The following CADM2 variants were observed in gnomAD, a reference collection of about 807,000 sequenced individuals.
CADM2 encodes cell adhesion molecule 2.
In CADM2, 12 loss-of-function variants were observed where a neutral mutation model predicts 49.8. The ratio of observed to expected loss-of-function variants is 0.24; its 90% CI spans 0.15 to 0.39. The LOEUF is 0.39. CADM2 is among the 10% of genes least tolerant of loss of function. The pLI, the probability that CADM2 is intolerant of heterozygous loss-of-function variation, is 1.00. For missense variants in CADM2, 378 were observed against 492.3 expected, an observed-to-expected ratio of 0.77 and a Z score of 2.20; for synonymous variants, 214 against 175.4, an observed-to-expected ratio of 1.22 and a Z score of -1.74.
At chr3:85,846,558 AAAAATT>A (rs2074889289) in intron 3 of CADM2, among the ~76,000 whole-genome samples, 1 of 152,212 alleles carries the variant, frequency 6.6e-6, no homozygotes, top group Admixed American at 6.5e-5. Flanking sequence ...GCAGTTAAGC[AAAAATT>A]AAAATATATT....
chr3:85,355,647 A>G (rs2031793878), intron 1 of CADM2, among the ~76,000 whole-genome samples: 1 of 152,128 alleles, frequency 6.6e-6, no homozygotes, highest in South Asian at 2.1e-4. Flanking sequence ...AGTGCAAAGG[A>G]AAAAATAAAA....
intron 1 of CADM2, among the ~76,000 whole-genome samples, chr3:85,707,802 A>G (rs2066997616): frequency 6.6e-6 from 1 of 152,154 alleles, no homozygotes; most frequent in Non-Finnish European, 1.5e-5. Flanking sequence ...AATCTTTCTA[A>G]CAGCATGTAC....
chr3:85,653,434 G>A (rs1368897182), intron 1 of CADM2, among the ~76,000 whole-genome samples: 1 of 150,850 alleles, frequency 6.6e-6, no homozygotes, highest in South Asian at 2.1e-4. Flanking sequence ...TTAATAGCTT[G>A]GTTGTTGTAT....
At chr3:85,071,023 C>CAAATAAAT (rs1412399846) in intron 1 of CADM2, among the ~76,000 whole-genome samples, 1 of 84,242 alleles carries the variant, frequency 1.2e-5, no homozygotes, top group Admixed American at 1.4e-4. Context: ...AATAAATAAA[C>CAAATAAAT]AAATAAATAA....
At chr3:85,747,223 A>G (rs1464977467) in intron 2 of CADM2, among the ~76,000 whole-genome samples, 1 of 152,108 alleles carries the variant, frequency 6.6e-6, no homozygotes, top group Non-Finnish European at 1.5e-5. Flanking sequence ...CCTGTTTTCA[A>G]TATTTTCTTT....
At chr3:85,898,420 A>C (rs957730900) in intron 5 of CADM2, among the ~76,000 whole-genome samples, 8 of 152,080 alleles carry the variant, frequency 5.3e-5, no homozygotes, top group Non-Finnish European at 1.2e-4. Context: ...CCAAAAGTTT[A>C]TTTATATCCT....
At chr3:85,729,339 T>C (rs2067838576) in intron 2 of CADM2, among the ~76,000 whole-genome samples, 1 of 152,138 alleles carries the variant, frequency 6.6e-6, no homozygotes, top group Non-Finnish European at 1.5e-5. Context: ...CTTTGAGAGA[T>C]AAACTTCACT....
At chr3:85,652,742 A>C (rs1343767793) in intron 1 of CADM2, among the ~76,000 whole-genome samples, 1 of 149,618 alleles carries the variant, frequency 6.7e-6, no homozygotes, top group African/African-American at 2.5e-5. Context: ...CAATGTGCAT[A>C]CAAATAACCT....
intron 1 of CADM2, among the ~76,000 whole-genome samples, chr3:85,583,594 A>G (rs1206675740): frequency 6.6e-6 from 1 of 152,140 alleles, no homozygotes; most frequent in Non-Finnish European, 1.5e-5. Flanking sequence ...TAAAAGTTCA[A>G]TAGGATTATA....
At chr3:86,025,082 GTC>G (rs1258744695) in intron 8 of CADM2, among the ~76,000 whole-genome samples, 1 of 151,556 alleles carries the variant, frequency 6.6e-6, no homozygotes, top group Admixed American at 6.6e-5. Flanking sequence ...TGGAGACGGA[GTC>G]TCTCTCTGTC....
At chr3:85,780,248 G>C (rs767233432) in intron 2 of CADM2, among the ~76,000 whole-genome samples, 2 of 152,184 alleles carry the variant, frequency 1.3e-5, no homozygotes, top group Non-Finnish European at 2.9e-5. Context: ...GTACTGGACA[G>C]GCAATGATAC....
chr3:85,051,771 T>C (rs1161921025), intron 1 of CADM2, among the ~76,000 whole-genome samples: 1 of 152,174 alleles, frequency 6.6e-6, no homozygotes, highest in Non-Finnish European at 1.5e-5. Context: ...CAGAATGCAT[T>C]AAATTTTTGT....
chr3:85,142,405 G>A (rs780510908), intron 1 of CADM2, among the ~76,000 whole-genome samples: 2 of 152,076 alleles, frequency 1.3e-5, no homozygotes, highest in Non-Finnish European at 2.9e-5. Context: ...CATGCTTTAG[G>A]TTCAGTGATA....
chr3:85,056,356 CAG>C (rs2036078609), intron 1 of CADM2, among the ~76,000 whole-genome samples: 1 of 152,060 alleles, frequency 6.6e-6, no homozygotes, highest in African/African-American at 2.4e-5. Context: ...TTTAGAATTT[CAG>C]AGTCTTAGGC....
At chr3:85,562,177 G>A (rs1400400847) in intron 1 of CADM2, among the ~76,000 whole-genome samples, 1 of 151,938 alleles carries the variant, frequency 6.6e-6, no homozygotes, top group Non-Finnish European at 1.5e-5. Context: ...GAATCTCCTC[G>A]TAACAACATT....
At chr3:85,054,144 G>A (rs1315865332) in intron 1 of CADM2, among the ~76,000 whole-genome samples, 2 of 151,874 alleles carry the variant, frequency 1.3e-5, no homozygotes, top group East Asian at 3.9e-4. Flanking sequence ...AGTGTCATAA[G>A]AGTGCAAGGA....
chr3:85,083,936 T>C (rs2037273265), intron 1 of CADM2, among the ~76,000 whole-genome samples: 2 of 152,158 alleles, frequency 1.3e-5, no homozygotes, highest in South Asian at 4.1e-4. Flanking sequence ...CCTATAATGA[T>C]CGATTGCATT....
intron 3 of CADM2, among the ~76,000 whole-genome samples, chr3:85,855,274 G>A (rs1166860924): frequency 2.0e-5 from 3 of 152,038 alleles, no homozygotes; most frequent in African/African-American, 7.2e-5. Flanking sequence ...CCTTTGGTCT[G>A]TCTCCTCACC....
At chr3:85,701,946 A>G (rs1471589770) in intron 1 of CADM2, among the ~76,000 whole-genome samples, 7 of 151,444 alleles carry the variant, frequency 4.6e-5, no homozygotes, top group African/African-American at 1.7e-4. Context: ...GAAAGAAGAA[A>G]TAAAGATAGA....
Sources: gnomAD v4.1 joint callset for allele counts (sites outside exome capture counted in the v4.1 genomes callset) on GRCh38, gnomAD v4.1.1 for gene constraint, MANE v1.5 for transcripts, NCBI Gene and HGNC (gene_info 2026-07-23, HGNC 2026-07-21) for gene names.